SLC38A6: variants seen among roughly 807,000 people sequenced by gnomAD.
SLC38A6 encodes the protein N system amino acid transporter NAT-1.
Under a neutral mutation model 65.0 loss-of-function variants are expected in SLC38A6, and 73 were observed. The ratio of observed to expected loss-of-function variants is 1.12; its 90% confidence interval spans 0.93 to 1.37. SLC38A6 has a LOEUF of 1.37. SLC38A6 is among the 40% of genes most tolerant of loss of function. The pLI is 0.00. For synonymous variants in SLC38A6, 183 were observed against 178.8 expected, an observed-to-expected ratio of 1.02 and a Z score of -0.19; for missense variants, 561 against 531.1, an observed-to-expected ratio of 1.06 and a Z score of -0.55.
At chr14:61,015,596 A>T (rs1479336134) in intron 3 of SLC38A6, among the ~76,000 whole-genome samples, 1 of 152,262 alleles carries the variant, frequency 6.6e-6, no homozygotes, top group Non-Finnish European at 1.5e-5. Context: ...TGAGAAAAAG[A>T]CATGTTTTAC....
chr14:61,010,066 T>C (rs867417432), intron 3 of SLC38A6, among the ~76,000 whole-genome samples: 1,993 of 152,308 alleles, frequency 0.013, 42 homozygotes, highest in African/African-American at 0.046. Flanking sequence ...TTTTTAATGA[T>C]TGCCATTCTA....
rs111351928 is a variant in SLC38A6, at chr14:60,990,667, G to C, written c.310+5864G>C. 8.6e-3 allele frequency among the ~76,000 whole-genome samples: 1,300 copies of C among 151,686 alleles called. 23 individuals are homozygous for C. Among genetic ancestry groups the C allele is most frequent in the African/African-American group, 0.03 (1,227 of 41,342 alleles). On this transcript the variant is annotated intron_variant, in intron 3 of 15. Coordinates refer to ENST00000267488, the MANE Select transcript of SLC38A6 (RefSeq NM_153811.3). ...TTTTTTTTCGAGATAGTGTCTTGCT[G>C]TGTGGCCCAGGCTGGAATGTAGTGG...
chr14:61,033,197 T>A (rs1194259418), intron 6 of SLC38A6, among the ~76,000 whole-genome samples: 1 of 151,986 alleles, frequency 6.6e-6, no homozygotes, highest in African/African-American at 2.4e-5. Context: ...GTGAGTAAGA[T>A]CCTAATTCAG....
intron 16 of SLC38A6, among the ~76,000 whole-genome samples, chr14:61,081,702 T>C (rs1255399825): frequency 6.6e-6 from 1 of 152,148 alleles, no homozygotes; most frequent in Non-Finnish European, 1.5e-5. Context: ...ATTTCTCTCC[T>C]GAATCCCTAA....
At chr14:60,994,400 C>T (rs1042664169) in intron 3 of SLC38A6, among the ~76,000 whole-genome samples, 7 of 151,676 alleles carry the variant, frequency 4.6e-5, no homozygotes, top group South Asian at 2.1e-4. Flanking sequence ...ACAAAATTAC[C>T]TGGGCGTGGT....
rs1309452403 is a variant in SLC38A6 at position 60,984,817 on chromosome 14, T to A, written c.310+14T>A. ...GTATTCAGACAGGTGAGTAAAAATGTTATGCTGCTTCATTTAATAAAGGAG... is the reference window on the plus strand; with the variant it reads ...GTATTCAGACAGGTGAGTAAAAATGATATGCTGCTTCATTTAATAAAGGAG... On this transcript the variant is annotated intron_variant, in intron 3 of 15. Transcript: ENST00000267488. 2 of 1,610,796 alleles carry A rather than the reference T, an allele frequency of 1.2e-6. No individual in the cohort carries two copies. The highest frequency in any genetic ancestry group is 1.7e-6 in the Non-Finnish European group (2 of 1,177,290).
chr14:60,983,655 A>G (rs1171394544), intron 2 of SLC38A6, among the ~76,000 whole-genome samples: 1 of 152,112 alleles, frequency 6.6e-6, no homozygotes, highest in African/African-American at 2.4e-5. Flanking sequence ...TTTTATTCCA[A>G]ATTTTTTGAT....
intron 3 of SLC38A6, among the ~76,000 whole-genome samples, chr14:61,012,089 A>G (rs2039621414): frequency 1.3e-5 from 2 of 152,008 alleles, no homozygotes; most frequent in African/African-American, 4.8e-5. Flanking sequence ...CAGAGATTCA[A>G]CTTCTTCCTG....
At chr14:61,026,347 C>T (rs2040611961) in intron 5 of SLC38A6, among the ~76,000 whole-genome samples, 1 of 152,026 alleles carries the variant, frequency 6.6e-6, no homozygotes, top group South Asian at 2.1e-4. Context: ...GCCGTAAATA[C>T]AGTAGAGTCA....
At chr14:61,007,555 T>C (rs1328794633) in intron 3 of SLC38A6, among the ~76,000 whole-genome samples, 1 of 152,168 alleles carries the variant, frequency 6.6e-6, no homozygotes, top group Admixed American at 6.5e-5. Context: ...GGCAGGAGGA[T>C]TGCTTGAGCC....
At chr14:61,061,273 T>A (rs988626321) in intron 15 of SLC38A6, among the ~76,000 whole-genome samples, 16 of 152,238 alleles carry the variant, frequency 1.1e-4, no homozygotes, top group Admixed American at 7.8e-4. Context: ...CAACCTTGCA[T>A]CCCGTATAAG....
rs1474320937 is a variant in SLC38A6, at chr14:60,984,804, G to A, written c.310+1G>A. The A allele has an allele frequency of 6.2e-7, 1 of 1,613,296 alleles. No homozygotes were observed. Among genetic ancestry groups the A allele is most frequent in the South Asian group, 1.1e-5 (1 of 91,048 alleles). On this transcript the variant is annotated splice_donor_variant, in intron 3 of 15. Transcript: ENST00000267488. LOFTEE classifies it high-confidence loss of function. ...CTGCTTAGTATGTGTATTCAGACAG[G>A]TGAGTAAAAATGTTATGCTGCTTCA...
At chr14:61,039,946 A>G (rs545860723) in intron 8 of SLC38A6, among the ~76,000 whole-genome samples, 2 of 152,202 alleles carry the variant, frequency 1.3e-5, no homozygotes, top group East Asian at 3.9e-4. Context: ...AAAAAAATTT[A>G]ACCTAAATTT....
rs552228401 is a variant in SLC38A6 at position 61,015,837 on chromosome 14, C to T, written c.311-67C>T. On this transcript the variant is annotated intron_variant, in intron 3 of 15. Transcript: ENST00000267488. ...TATTTAGTTTGTAGTAGGACCTGCT[C>T]TTCTCTTTAGGACCTGACACATAAA... The T allele has an allele frequency of 7.8e-5, 101 of 1,301,598 alleles. 1 individual carries two copies. The South Asian group carries it at 1.2e-3, about 16-fold the overall frequency. 80.6% of individuals were successfully genotyped at this position (1,301,598 alleles called of 1,614,324 possible).
intron 16 of SLC38A6, among the ~76,000 whole-genome samples, chr14:61,082,613 G>C (rs760754337): frequency 2.0e-5 from 3 of 152,196 alleles, no homozygotes; most frequent in African/African-American, 4.8e-5. Flanking sequence ...GACTGAAGCA[G>C]AGACTCACCT....
chr14:61,043,959 G>A (rs2041974606), intron 10 of SLC38A6, among the ~76,000 whole-genome samples: 1 of 152,024 alleles, frequency 6.6e-6, no homozygotes, highest in Non-Finnish European at 1.5e-5. Context: ...ATATCTTCTG[G>A]CCGACATTCC....
chr14:60,992,585 C>T (rs2037980543), intron 3 of SLC38A6, among the ~76,000 whole-genome samples: 1 of 152,084 alleles, frequency 6.6e-6, no homozygotes, highest in Non-Finnish European at 1.5e-5. Flanking sequence ...CTGGGTAATC[C>T]TGCCTGTATT....
intron 8 of SLC38A6, among the ~76,000 whole-genome samples, chr14:61,037,990 A>G (rs2041519184): frequency 6.6e-6 from 1 of 152,178 alleles, no homozygotes; most frequent in African/African-American, 2.4e-5. Flanking sequence ...TTCCTGTACC[A>G]TACTGTATGA....
intron 9 of SLC38A6, 82 bp downstream of exon 9, chr14:61,043,294 T>C (rs2041924078): frequency 2.6e-6 from 3 of 1,142,224 alleles, no homozygotes; most frequent in Non-Finnish European, 3.8e-6. Flanking sequence ...TCTTTTCTGA[T>C]TGATGAAAAA....
Sources: allele counts gnomAD v4.1 joint callset (sites outside exome capture counted in the v4.1 genomes callset), GRCh38; gene constraint gnomAD v4.1.1; transcripts MANE v1.5; gene names NCBI Gene and HGNC (gene_info 2026-07-23, HGNC 2026-07-21).